CPEB3: variants seen among roughly 807,000 people sequenced by gnomAD.
CPEB3 encodes the protein cytoplasmic polyadenylation element-binding protein 3.
In CPEB3, 20 loss-of-function variants were observed where a neutral mutation model predicts 67.2. The ratio of observed to expected loss-of-function variants is 0.30; its 90% confidence interval spans 0.21 to 0.43. The LOEUF (loss-of-function observed/expected upper bound fraction) is 0.43. Among genes scored for constraint, CPEB3 ranks in the 20% least tolerant of loss-of-function variants. The pLI, the probability that CPEB3 is intolerant of heterozygous loss-of-function variation, is 1.00. For synonymous variants in CPEB3, 376 were observed against 393.1 expected (o/e 0.96, Z 0.51); for missense variants, 746 against 968.6 (o/e 0.77, Z 3.05).
intron 3 of CPEB3, among the ~76,000 whole-genome samples, chr10:92,185,484 A>C (rs1364415056): frequency 1.3e-5 from 2 of 152,248 alleles, no homozygotes; most frequent in African/African-American, 2.4e-5. Context: ...TTATAAAAAA[A>C]AAACTATGTC....
intron 2 of CPEB3, among the ~76,000 whole-genome samples, chr10:92,200,423 T>C (rs1849465376): frequency 6.6e-6 from 1 of 151,526 alleles, no homozygotes; most frequent in Non-Finnish European, 1.5e-5. Flanking sequence ...CGCATGCCTG[T>C]AATCCCAGCT....
chr10:92,106,227 CTT>C (rs77616371), intron 7 of CPEB3, among the ~76,000 whole-genome samples: 26 of 137,796 alleles, frequency 1.9e-4, no homozygotes, highest in Non-Finnish European at 2.4e-4. Context: ...TACTATTAAC[CTT>C]TTTTTTTTTT....
intron 1 of CPEB3, among the ~76,000 whole-genome samples, chr10:92,282,924 T>TTC (rs1407962406): frequency 6.6e-6 from 1 of 152,108 alleles, no homozygotes; most frequent in Non-Finnish European, 1.5e-5. Context: ...TTATTTCTGT[T>TTC]TCCAACCCAC....
intron 6 of CPEB3, among the ~76,000 whole-genome samples, chr10:92,141,757 G>A (rs1349490532): frequency 3.3e-5 from 5 of 150,344 alleles, no homozygotes; most frequent in African/African-American, 4.9e-5. Context: ...GGTGGCTCAC[G>A]CCTGTAATCC....
At position 92,138,140 on chromosome 10, in the gene CPEB3, T is replaced by C. The variant is rs543275253; in HGVS notation, c.1453+4889A>G. On this transcript the variant is annotated intron_variant, in intron 6 of 9. Transcript: ENST00000265997. The stretch of plus-strand genomic sequence containing the variant: ...GTTTTGTTCTGGCTCTCACAGAGTA[T>C]TGATTACCACTGACCCGCAGCCAGA... 26 of 183,560 alleles carry C rather than the reference T, an allele frequency of 1.4e-4. No homozygotes were observed. In the South Asian group the frequency reaches 3.0e-3, roughly 21 times the overall value. The allele number at this position is 183,560 out of a possible 1,614,324, so 11.4% of individuals were successfully genotyped here. A position where few individuals can be genotyped will look rare whatever the true frequency, so the allele number is the denominator to read the frequency against.
chr10:92,195,707 C>T (rs1286381723), intron 2 of CPEB3, among the ~76,000 whole-genome samples: 1 of 152,098 alleles, frequency 6.6e-6, no homozygotes, highest in Non-Finnish European at 1.5e-5. Flanking sequence ...TGAAGGCATT[C>T]AAGAATCTTT....
chr10:92,065,989 C>T (rs941189847), intron 9 of CPEB3, among the ~76,000 whole-genome samples: 8 of 151,676 alleles, frequency 5.3e-5, no homozygotes, highest in East Asian at 1.9e-4. Context: ...TCCAGCTACT[C>T]GGGAGGCTGA....
At chr10:92,105,813 G>A (rs911957673) in intron 7 of CPEB3, among the ~76,000 whole-genome samples, 3 of 145,322 alleles carry the variant, frequency 2.1e-5, no homozygotes, top group African/African-American at 5.1e-5. Context: ...TCTGCCTCCC[G>A]GGTTCAAGCA....
At position 92,091,814 on chromosome 10, in the gene CPEB3, T is replaced by C; in HGVS notation, c.1687+16A>G. 7 of 1,472,958 alleles carry C rather than the reference T, an allele frequency of 4.8e-6. No homozygotes were observed. In the South Asian group the frequency reaches 8.2e-5, roughly 17 times the overall value. 91.2% of individuals were successfully genotyped at this position (1,472,958 alleles called of 1,614,324 possible). On this transcript the variant is annotated intron_variant, in intron 8 of 9. Transcript: ENST00000265997. ...GTTGTTGGTTTTGTTGTTGTGGTATTACTATTTCCACTCACCAGCTCGAAG... is the reference window on the plus strand; with the variant it reads ...GTTGTTGGTTTTGTTGTTGTGGTATCACTATTTCCACTCACCAGCTCGAAG...
At chr10:92,262,139 T>C (rs970073665) in intron 1 of CPEB3, among the ~76,000 whole-genome samples, 6 of 152,312 alleles carry the variant, frequency 3.9e-5, no homozygotes, top group African/African-American at 1.4e-4. Context: ...CTAAGAGAGA[T>C]ACTTTAGATG....
chr10:92,120,119 C>CAAGCAAAAAAAAAAAAAA (rs1275934165), intron 6 of CPEB3, among the ~76,000 whole-genome samples: 1 of 83,962 alleles, frequency 1.2e-5, no homozygotes, highest in African/African-American at 6.8e-5. Context: ...AAAAAAAAAC[C>CAAGCAAAAAAAAAAAAAA]AAATTGCTAC....
At chr10:92,183,208 T>C (rs1848539933) in intron 3 of CPEB3, among the ~76,000 whole-genome samples, 1 of 152,210 alleles carries the variant, frequency 6.6e-6, no homozygotes, top group African/African-American at 2.4e-5. Flanking sequence ...ATAGATTTCA[T>C]AAACGTTTTC....
intron 9 of CPEB3, among the ~76,000 whole-genome samples, chr10:92,080,587 T>C (rs1043721487): frequency 1.3e-5 from 2 of 151,728 alleles, no homozygotes; most frequent in South Asian, 4.2e-4. Context: ...CAATGTATGA[T>C]CTTGCAATTT....
chr10:92,185,142 T>C (rs1204987968), intron 3 of CPEB3, among the ~76,000 whole-genome samples: 1 of 152,218 alleles, frequency 6.6e-6, no homozygotes, highest in Non-Finnish European at 1.5e-5. Context: ...ATCTGATGAT[T>C]TTTGTATAAT....
chr10:92,262,983 T>A (rs1320962786), intron 1 of CPEB3, among the ~76,000 whole-genome samples: 1 of 152,146 alleles, frequency 6.6e-6, no homozygotes, highest in East Asian at 1.9e-4. Context: ...TTGCCCAGGC[T>A]GGTCTCAAAT....
intron 6 of CPEB3, among the ~76,000 whole-genome samples, chr10:92,120,848 G>T (rs1296558384): frequency 6.6e-6 from 1 of 151,766 alleles, no homozygotes; most frequent in Non-Finnish European, 1.5e-5. Flanking sequence ...TTACAGGCAA[G>T]TTCCACCACA....
At chr10:92,208,743 A>ACCAT (rs919337326) in intron 2 of CPEB3, among the ~76,000 whole-genome samples, 2 of 151,868 alleles carry the variant, frequency 1.3e-5, no homozygotes, top group Non-Finnish European at 2.9e-5. Context: ...ACAGGTGCAC[A>ACCAT]CCATCATGCC....
At chr10:92,113,995 A>G (rs1344065532) in intron 6 of CPEB3, among the ~76,000 whole-genome samples, 1 of 152,182 alleles carries the variant, frequency 6.6e-6, no homozygotes, top group East Asian at 1.9e-4. Context: ...ACTATAAATA[A>G]TCCTGTGTCA....
chr10:92,245,221 T>G (rs1852010698), intron 1 of CPEB3, among the ~76,000 whole-genome samples: 1 of 131,816 alleles, frequency 7.6e-6, no homozygotes. Flanking sequence ...CACTGCAACC[T>G]CCACCTCCCA....
Sources: allele counts gnomAD v4.1 joint callset (sites outside exome capture counted in the v4.1 genomes callset), GRCh38; gene constraint gnomAD v4.1.1; transcripts MANE v1.5; gene names NCBI Gene and HGNC (gene_info 2026-07-23, HGNC 2026-07-21).